Variants in NFIA observed in about 807,000 individuals in gnomAD.
NFIA encodes nuclear factor I A, also known as nuclear factor 1 A-type.
Under a neutral mutation model 62.8 loss-of-function variants are expected in NFIA, and 8 were observed. The ratio of observed to expected loss-of-function variants is 0.13; its 90% CI spans 0.07 to 0.23. NFIA has a LOEUF of 0.23. Ranked by LOEUF, NFIA falls within the 10% of genes least tolerant of loss-of-function variation. The pLI is 1.00. For synonymous variants in NFIA, 235 were observed against 238.1 expected (o/e 0.99, Z 0.12); for missense variants, 410 against 642.1 (o/e 0.64, Z 3.91).
chr1:61,415,189 T>C (rs1666294970), intron 9 of NFIA, among the ~76,000 whole-genome samples: 1 of 152,126 alleles, frequency 6.6e-6, no homozygotes, highest in Non-Finnish European at 1.5e-5. Context: ...ATTGGGACAG[T>C]CTGGAAAAAA....
chr1:61,293,261 A>T (rs1171980326), intron 3 of NFIA, among the ~76,000 whole-genome samples: 1 of 152,084 alleles, frequency 6.6e-6, no homozygotes, highest in Non-Finnish European at 1.5e-5. Context: ...TGTAAATAAG[A>T]AATGTGCCAT....
chr1:61,096,187 A>C (rs551184760), intron 2 of NFIA, among the ~76,000 whole-genome samples: 9 of 152,168 alleles, frequency 5.9e-5, no homozygotes, highest in African/African-American at 2.2e-4. Context: ...TCGTGCCCTT[A>C]AATTAGTGAA....
chr1:61,275,473 A>G (rs72911911), intron 2 of NFIA, among the ~76,000 whole-genome samples: 1 of 152,216 alleles, frequency 6.6e-6, no homozygotes, highest in African/African-American at 2.4e-5. Context: ...TGGCTATTGT[A>G]TATCTAATAA....
intron 6 of NFIA, among the ~76,000 whole-genome samples, chr1:61,361,208 G>A (rs546459764): frequency 5.6e-4 from 85 of 152,226 alleles, no homozygotes; most frequent in Admixed American, 2.4e-3. Flanking sequence ...TCTTTTCTCC[G>A]AATTCGTGTT....
At chr1:61,225,272 G>A (rs1654259378) in intron 2 of NFIA, among the ~76,000 whole-genome samples, 1 of 148,554 alleles carries the variant, frequency 6.7e-6, no homozygotes, top group African/African-American at 2.5e-5. Context: ...TTTTTTTTGA[G>A]ACTGAGTCTC....
intron 2 of NFIA, among the ~76,000 whole-genome samples, chr1:61,197,516 C>T (rs1336248808): frequency 1.3e-5 from 2 of 151,244 alleles, no homozygotes; most frequent in Admixed American, 6.6e-5. Context: ...GGATTACAAG[C>T]GTGAGCCACC....
rs767792256 is a variant in NFIA at position 61,332,467 on chromosome 1, C to G, written c.626-45C>G. On this transcript the variant is annotated intron_variant, in intron 3 of 10. Coordinates refer to ENST00000403491, the MANE Select transcript of NFIA (RefSeq NM_001134673.4). ...TATTTAAAGCTCTGTTGTCAAATGT[C>G]TTGTATTTATGACACTTTGTTTTCT... 6 of 1,544,066 alleles carry G rather than the reference C, an allele frequency of 3.9e-6. No individual in the cohort carries two copies. In the Admixed American group the frequency reaches 6.7e-5, roughly 17 times the overall value.
At chr1:61,360,639 A>G (rs564033230) in intron 6 of NFIA, among the ~76,000 whole-genome samples, 3 of 151,984 alleles carry the variant, frequency 2.0e-5, no homozygotes, top group South Asian at 2.1e-4. Flanking sequence ...TCCTCCCTTA[A>G]TTTTTTTTCA....
intron 2 of NFIA, among the ~76,000 whole-genome samples, chr1:61,131,118 T>C (rs1016795081): frequency 6.6e-6 from 1 of 151,840 alleles, no homozygotes; most frequent in Non-Finnish European, 1.5e-5. Context: ...AAAATGTGCT[T>C]GACTGTGGTA....
intron 2 of NFIA, among the ~76,000 whole-genome samples, chr1:61,195,481 C>T (rs757901300): frequency 4.6e-5 from 7 of 152,238 alleles, no homozygotes; most frequent in Non-Finnish European, 7.4e-5. Context: ...CCTGACCTTT[C>T]TTGTGTACCC....
At chr1:61,429,770 C>T (rs933279778) in intron 10 of NFIA, among the ~76,000 whole-genome samples, 3 of 152,156 alleles carry the variant, frequency 2.0e-5, no homozygotes, top group African/African-American at 7.2e-5. Flanking sequence ...TATGCCACAA[C>T]GTGGATGAAT....
intron 3 of NFIA, among the ~76,000 whole-genome samples, chr1:61,322,615 C>G (rs1442176260): frequency 6.7e-6 from 1 of 149,762 alleles, no homozygotes; most frequent in East Asian, 1.9e-4. Flanking sequence ...CCACTCCTAA[C>G]TGTAAGGCAG....
At chr1:61,387,362 A>G (rs756002596) in intron 7 of NFIA, among the ~76,000 whole-genome samples, 17 of 152,174 alleles carry the variant, frequency 1.1e-4, no homozygotes, top group Non-Finnish European at 1.0e-4. Flanking sequence ...CGTGGGTCAT[A>G]CAATTAAATA....
intron 2 of NFIA, among the ~76,000 whole-genome samples, chr1:61,215,102 GA>G (rs978298760): frequency 8.6e-5 from 13 of 151,904 alleles, no homozygotes; most frequent in African/African-American, 1.7e-4. Flanking sequence ...TTTTAAAACT[GA>G]AAAAAATAGT....
chr1:61,184,718 A>G (rs2100566375), intron 2 of NFIA, among the ~76,000 whole-genome samples: 1 of 152,364 alleles, frequency 6.6e-6, no homozygotes, highest in Non-Finnish European at 1.5e-5. Flanking sequence ...CCAAGAGAGC[A>G]GGAACTCAGA....
chr1:61,161,586 AACACACACACAC>A (rs56383204), intron 2 of NFIA, among the ~76,000 whole-genome samples: 60 of 149,468 alleles, frequency 4.0e-4, no homozygotes, highest in Non-Finnish European at 5.1e-4. Context: ...CGCCATGTGC[AACACACACACAC>A]ACACACACAC....
At chr1:61,159,908 C>T (rs2100533933) in intron 2 of NFIA, among the ~76,000 whole-genome samples, 1 of 152,294 alleles carries the variant, frequency 6.6e-6, no homozygotes, top group African/African-American at 2.4e-5. Context: ...TCTCAAACTC[C>T]TGACCTCAGG....
At chr1:61,185,448 C>T (rs570607634) in intron 2 of NFIA, among the ~76,000 whole-genome samples, 2 of 152,102 alleles carry the variant, frequency 1.3e-5, no homozygotes, top group African/African-American at 2.4e-5. Context: ...CCCTCTTTTT[C>T]CATTCTTGTT....
intron 2 of NFIA, among the ~76,000 whole-genome samples, chr1:61,196,925 GTGTGTGTGTGTGTGTGCGCGCGCGCGC>G (rs1652047181): frequency 6.6e-6 from 1 of 150,584 alleles, no homozygotes; most frequent in Admixed American, 6.6e-5. Flanking sequence ...GTGTGTGTGT[GTGTGTGTGTGTGTGTGCGCGCGCGCGC>G]TGTGTGTGTG....
Sources: allele counts gnomAD v4.1 joint callset (sites outside exome capture counted in the v4.1 genomes callset), GRCh38; gene constraint gnomAD v4.1.1; transcripts MANE v1.5; gene names NCBI Gene and HGNC (gene_info 2026-07-23, HGNC 2026-07-21).